The following KANSL3 variants were observed in gnomAD, a reference collection of about 807,000 sequenced individuals.
The protein encoded by KANSL3 is NSL complex protein NSL3.
Under a neutral mutation model 89.2 loss-of-function variants are expected in KANSL3, and 16 were observed. The observed-to-expected ratio is 0.18, with a 90% CI of 0.12 to 0.27. The LOEUF (loss-of-function observed/expected upper bound fraction) is 0.27, where lower values mean the gene tolerates loss of function less well. Among genes scored for constraint, KANSL3 ranks in the 10% least tolerant of loss-of-function variants. KANSL3 has a pLI of 1.00. For missense variants in KANSL3, 879 were observed against 1,110.6 expected (o/e 0.79, Z 2.96); for synonymous variants, 385 against 419.7 (o/e 0.92, Z 1.01).
In KANSL3 at chr2:96,609,950, C is replaced by CAAAAAAAAAA. The variant is rs35175492; in HGVS notation, c.1320-398_1320-389dup. Among the ~76,000 whole-genome samples the CAAAAAAAAAA allele has an allele frequency of 5.6e-4, 12 of 21,614 alleles. 4 individuals carry two copies. The highest frequency in any genetic ancestry group is 2.0e-3 in the East Asian group (1 of 502). 14.2% of individuals were successfully genotyped at this position (21,614 alleles called of 152,430 possible). A position where few individuals can be genotyped will look rare whatever the true frequency, so the allele number is the denominator to read the frequency against. ...TAGGCGACAGAGCCAGGCGCCACCT[C>CAAAAAAAAAA]AAAAAAAAAAAAAAAAAAAAAAAAA... On this transcript the variant is annotated intron_variant, in intron 11 of 20. Transcript: ENST00000431828.
chr2:96,633,555 C>T (rs539503836), intron 2 of KANSL3, among the ~76,000 whole-genome samples: 5 of 147,600 alleles, frequency 3.4e-5, no homozygotes, highest in South Asian at 2.2e-4. Context: ...GGCAACAGAG[C>T]GAGACTCTGT....
intron 3 of KANSL3, among the ~76,000 whole-genome samples, chr2:96,625,977 G>A (rs186707989): frequency 7.6e-5 from 11 of 144,046 alleles, no homozygotes; most frequent in Non-Finnish European, 1.1e-4. Flanking sequence ...TGCCCCACCC[G>A]CCTATTCAAT....
chr2:96,605,126 A>T (rs572815374), intron 15 of KANSL3, among the ~76,000 whole-genome samples, 194 bp downstream of exon 15: 2 of 152,312 alleles, frequency 1.3e-5, no homozygotes, highest in South Asian at 4.1e-4. Context: ...GCTTCCTCTC[A>T]TATTCTGCCT....
chr2:96,600,380 T>C (rs753867234), intron 20 of KANSL3: 11 of 851,024 alleles, frequency 1.3e-5, no homozygotes, highest in Non-Finnish European at 1.4e-5. Flanking sequence ...AAAATAAGCA[T>C]AATCATTTTT....
intron 18 of KANSL3, 94 bp from the exon 19 acceptor site, chr2:96,602,432 T>G (rs752716830): frequency 1.8e-5 from 16 of 883,134 alleles, no homozygotes; most frequent in Non-Finnish European, 2.7e-5. Context: ...AAGGCTAACA[T>G]GTATTGAGTG....
the KANSL3 span, among the ~76,000 whole-genome samples, chr2:96,581,563 C>T: frequency 6.6e-6 from 1 of 152,116 alleles, no homozygotes; most frequent in Admixed American, 6.6e-5. Context: ...CAACATGCTG[C>T]TTTTTATCTT....
In KANSL3 at chr2:96,593,357, C is replaced by T; in HGVS notation, c.*2254G>A. The T allele has an allele frequency of 2.2e-6, 1 of 455,358 alleles. No homozygotes were observed. The highest frequency in any genetic ancestry group is 4.4e-6 in the Non-Finnish European group (1 of 226,418). The allele number at this position is 455,358 out of a possible 1,614,324, so 28.2% of individuals were successfully genotyped here. ...AGGGCATCAACATGCATCTGTCATC[C>T]AAGAATCTAAGAACTTCCTGATCCT... is the stretch of plus-strand genomic sequence containing the variant. On this transcript the variant is annotated 3_prime_UTR_variant, in exon 21 of 21. Transcript: ENST00000431828.
downstream of KANSL3, among the ~76,000 whole-genome samples, chr2:96,589,800 A>C (rs114535097): frequency 3.8e-3 from 579 of 152,194 alleles, 2 homozygotes; most frequent in African/African-American, 0.013. Flanking sequence ...AACCTCAACA[A>C]ATTTAAAAGA....
chr2:96,603,295 T>A (rs374687324), intron 17 of KANSL3: 25 of 155,848 alleles, frequency 1.6e-4, no homozygotes, highest in South Asian at 1.5e-3. Context: ...ATTTTATTTT[T>A]TTTTGAGACG....
chr2:96,624,494 T>C (rs1417117113), intron 3 of KANSL3, among the ~76,000 whole-genome samples: 1 of 152,184 alleles, frequency 6.6e-6, no homozygotes, highest in East Asian at 1.9e-4. Context: ...TCCTCAAATA[T>C]ATACATACAT....
In KANSL3 at chr2:96,594,611, C is replaced by T. The variant is rs1406806409; in HGVS notation, c.*1000G>A. ...GTTTCCTGGGATGGCCAAGATACTACCTTAGCTTATTGTCCCTGCTTCACC... is the reference window on the plus strand; with the variant it reads ...GTTTCCTGGGATGGCCAAGATACTATCTTAGCTTATTGTCCCTGCTTCACC... On this transcript the variant is annotated 3_prime_UTR_variant, in exon 21 of 21. Coordinates refer to ENST00000431828, the MANE Select transcript of KANSL3 (RefSeq NM_001115016.3). 3 of 152,228 alleles carry T rather than the reference C, an allele frequency of 2.0e-5. No homozygotes were observed. The highest frequency in any genetic ancestry group is 2.0e-4 in the Admixed American group (3 of 15,286). The allele number at this position is 152,228 out of a possible 1,614,324, so 9.4% of individuals were successfully genotyped here.
downstream of KANSL3, among the ~76,000 whole-genome samples, chr2:96,589,804 T>C (rs1439442331): frequency 6.6e-6 from 1 of 151,948 alleles, no homozygotes; most frequent in Non-Finnish European, 1.5e-5. Context: ...TCAACAAATT[T>C]AAAAGACCAC....
the KANSL3 span, among the ~76,000 whole-genome samples, chr2:96,587,681 C>A: frequency 6.6e-6 from 1 of 152,280 alleles, no homozygotes; most frequent in Admixed American, 6.5e-5. Context: ...AGACAACCAA[C>A]AGATGCCAAA....
chr2:96,626,589 T>C (rs1392008954), intron 3 of KANSL3, among the ~76,000 whole-genome samples: 3 of 152,222 alleles, frequency 2.0e-5, no homozygotes, highest in Non-Finnish European at 2.9e-5. Flanking sequence ...GTTGGAAATG[T>C]CCTAAAATCC....
chr2:96,598,243 T>C (rs1338217912), intron 20 of KANSL3: 6 of 527,692 alleles, frequency 1.1e-5, no homozygotes, highest in African/African-American at 8.3e-5. Flanking sequence ...AAAACTGTTT[T>C]AGAGTATGAG....
chr2:96,613,601 G>A lies in KANSL3; in HGVS notation c.682C>T (p.Arg228Trp), dbSNP rs1386851113. The A allele has an allele frequency of 5.6e-6, 9 of 1,612,556 alleles. No homozygotes were observed. The highest frequency in any genetic ancestry group is 6.8e-6 in the Non-Finnish European group (8 of 1,179,250). Reference sequence around the variant, plus strand: ...TTTGTGTTGGATGACACAAGCATCCGGTCAATCAAGGTTGGGATCTACAAA... The same window carrying A: ...TTTGTGTTGGATGACACAAGCATCCAGTCAATCAAGGTTGGGATCTACAAA... ...LKGKIPTLID[R>W]MLVSSNTKTG... The change falls in exon 6 of 21, where the codon CGG becomes TGG. Residue 228 changes from arginine (R) to tryptophan (W), a missense_variant. Arg to Trp is a moderately radical substitution (Grantham distance 101). Coordinates refer to ENST00000431828, the MANE Select transcript of KANSL3 (RefSeq NM_001115016.3).
intron 11 of KANSL3, chr2:96,610,476 T>C (rs975263131): frequency 2.0e-5 from 6 of 298,782 alleles, no homozygotes; most frequent in Non-Finnish European, 3.2e-5. Flanking sequence ...ACACCAGGCC[T>C]GGCTAATTTT....
intron 2 of KANSL3, among the ~76,000 whole-genome samples, chr2:96,633,123 C>G (rs539108373): frequency 2.2e-4 from 34 of 151,532 alleles, no homozygotes; most frequent in African/African-American, 8.2e-4. Context: ...ACTGAAAATA[C>G]AGAAATTAGC....
chr2:96,620,366 T>G (rs1573523425), intron 3 of KANSL3, among the ~76,000 whole-genome samples: 2 of 152,320 alleles, frequency 1.3e-5, no homozygotes, highest in Non-Finnish European at 2.9e-5. Context: ...TGCCACACAA[T>G]TAGCAAATTT....
Sources: gnomAD v4.1 joint callset for allele counts (sites outside exome capture counted in the v4.1 genomes callset) on GRCh38, gnomAD v4.1.1 for gene constraint, MANE v1.5 for transcripts, NCBI Gene and HGNC (gene_info 2026-07-23, HGNC 2026-07-21) for gene names.